The following ANKS1B variants were observed in gnomAD, a reference collection of about 807,000 sequenced individuals.
ANKS1B encodes ankyrin repeat and sterile alpha motif domain containing 1B.
In ANKS1B, 36 loss-of-function variants were observed where a neutral mutation model predicts 148.3. That is an observed-to-expected ratio of 0.24 (90% CI 0.19 to 0.32). The LOEUF is 0.32. Ranked by LOEUF, ANKS1B falls within the 10% of genes least tolerant of loss-of-function variation. The pLI is 1.00. For missense variants in ANKS1B, 1,157 were observed against 1,542.6 expected (o/e 0.75, Z 4.19); for synonymous variants, 542 against 560.8 (o/e 0.97, Z 0.47).
chr12:99,638,185 GA>G lies in ANKS1B; in HGVS notation c.1272+16881del, dbSNP rs538987908. Among the ~76,000 whole-genome samples, 263 of 152,258 alleles carry G rather than the reference GA, an allele frequency of 1.7e-3. 1 individual carries two copies. The highest frequency in any genetic ancestry group is 4.4e-3 in the Admixed American group (68 of 15,282). On this transcript the variant is annotated intron_variant, in intron 9 of 26. Coordinates refer to ENST00000683438, the MANE Select transcript of ANKS1B (RefSeq NM_001352186.2). ...CTGCTATAAAGACACACGAAAATGT[GA>G]AAGCGACTTTGGAACTGGGTAACCG...
intron 11 of ANKS1B, among the ~76,000 whole-genome samples, chr12:99,411,386 T>C (rs2094700780): frequency 6.6e-6 from 1 of 152,230 alleles, no homozygotes; most frequent in South Asian, 2.1e-4. Context: ...CATGATTTCA[T>C]TCTTCTTTAT....
Position 99,939,089 on chromosome 12 carries a change from CT to C in ANKS1B, c.134+45014del, listed in dbSNP as rs200659491. On this transcript the variant is annotated intron_variant, in intron 1 of 26. Transcript: ENST00000683438. The stretch of plus-strand genomic sequence containing the variant: ...TAGGCTTATATATCATCTGAAGGTT[CT>C]TTTTTAAAAAATTTCTTTTGAGACA... 1.6e-3 allele frequency among the ~76,000 whole-genome samples: 245 copies of C among 152,146 alleles called. 8 individuals carry two copies. In the East Asian group the frequency reaches 0.039, roughly 25 times the overall value.
chr12:99,613,617 T>C (rs2097920377), intron 9 of ANKS1B, among the ~76,000 whole-genome samples: 1 of 151,996 alleles, frequency 6.6e-6, no homozygotes, highest in African/African-American at 2.4e-5. Context: ...AAACTAAGTA[T>C]TGTCTGTTCT....
intron 12 of ANKS1B, among the ~76,000 whole-genome samples, chr12:99,338,330 G>C (rs2089324143): frequency 6.6e-6 from 1 of 152,136 alleles, no homozygotes; most frequent in Non-Finnish European, 1.5e-5. Flanking sequence ...GTTGTGTACT[G>C]TGTGGCTATT....
At chr12:99,254,980 T>C (rs1018961868) in intron 12 of ANKS1B, among the ~76,000 whole-genome samples, 1 of 152,194 alleles carries the variant, frequency 6.6e-6, no homozygotes, top group Admixed American at 6.5e-5. Context: ...TTACCTTTTT[T>C]ATTCTGTCTA....
chr12:98,783,273 C>T (rs145817560), intron 22 of ANKS1B, among the ~76,000 whole-genome samples: 38 of 152,320 alleles, frequency 2.5e-4, no homozygotes, highest in African/African-American at 6.5e-4. Flanking sequence ...GGCAGACAGA[C>T]CTCAAACTGT....
At chr12:98,772,545 C>T (rs998197649) in intron 25 of ANKS1B, among the ~76,000 whole-genome samples, 3 of 152,192 alleles carry the variant, frequency 2.0e-5, no homozygotes, top group African/African-American at 7.2e-5. Flanking sequence ...TACATGGCGG[C>T]AGGCAAGAGA....
At chr12:98,887,520 A>G (rs551393656) in intron 17 of ANKS1B, among the ~76,000 whole-genome samples, 3 of 152,360 alleles carry the variant, frequency 2.0e-5, no homozygotes, top group South Asian at 2.1e-4. Context: ...ACCATAAGGG[A>G]AAATAATAAC....
intron 14 of ANKS1B, among the ~76,000 whole-genome samples, chr12:99,223,417 G>C (rs1463633289): frequency 2.0e-5 from 3 of 151,946 alleles, no homozygotes; most frequent in African/African-American, 7.3e-5. Flanking sequence ...TCACTACAAC[G>C]TAGAATCAGT....
At chr12:98,856,763 G>C (rs1392843074) in intron 17 of ANKS1B, among the ~76,000 whole-genome samples, 1 of 151,904 alleles carries the variant, frequency 6.6e-6, no homozygotes, top group Non-Finnish European at 1.5e-5. Flanking sequence ...ACACTAGCTG[G>C]GGACAAAAAA....
At chr12:98,979,595 A>G (rs558787670) in intron 17 of ANKS1B, among the ~76,000 whole-genome samples, 11 of 151,924 alleles carry the variant, frequency 7.2e-5, no homozygotes, top group Non-Finnish European at 1.2e-4. Flanking sequence ...TTCATAGTTT[A>G]TGGCAAGAAA....
chr12:98,797,570 T>C (rs897841237), intron 22 of ANKS1B, among the ~76,000 whole-genome samples: 1 of 152,212 alleles, frequency 6.6e-6, no homozygotes, highest in Admixed American at 6.5e-5. Flanking sequence ...TTTTTTTATC[T>C]AAACTCAGTA....
intron 8 of ANKS1B, among the ~76,000 whole-genome samples, chr12:99,726,477 T>C (rs1419671021): frequency 1.3e-5 from 2 of 152,036 alleles, no homozygotes; most frequent in Non-Finnish European, 2.9e-5. Context: ...AGTTCTGAAA[T>C]TGAGGCAGTA....
chr12:99,901,872 A>G (rs2153771311), intron 1 of ANKS1B, among the ~76,000 whole-genome samples: 1 of 152,356 alleles, frequency 6.6e-6, no homozygotes, highest in African/African-American at 2.4e-5. Flanking sequence ...GACTTGATCC[A>G]TTTATTTAAC....
At chr12:99,375,728 G>C (rs2093363533) in intron 12 of ANKS1B, among the ~76,000 whole-genome samples, 1 of 151,880 alleles carries the variant, frequency 6.6e-6, no homozygotes, top group African/African-American at 2.4e-5. Flanking sequence ...AGGCTTTATA[G>C]CTAACTCTTT....
chr12:99,332,122 C>T (rs761804481), intron 12 of ANKS1B, among the ~76,000 whole-genome samples: 1 of 151,882 alleles, frequency 6.6e-6, no homozygotes, highest in Non-Finnish European at 1.5e-5. Flanking sequence ...TGCTGTATAG[C>T]GTGTTAAAGT....
At chr12:99,806,845 A>T in intron 3 of ANKS1B, 145 bp from the exon 4 acceptor site, 1 of 879,374 alleles carries the variant, frequency 1.1e-6, no homozygotes, top group Non-Finnish European at 1.7e-6. Context: ...GGAATTTTAT[A>T]TTTGATAAAA....
chr12:99,411,231 G>A (rs2094695276), intron 11 of ANKS1B, among the ~76,000 whole-genome samples: 2 of 152,182 alleles, frequency 1.3e-5, no homozygotes, highest in South Asian at 4.1e-4. Context: ...AGTCCCCAGT[G>A]TCTACTGTTC....
Position 99,883,620 on chromosome 12 carries a change from G to C in ANKS1B, c.135-58231C>G, listed in dbSNP as rs545440506. Among the ~76,000 whole-genome samples, 498 of 150,336 alleles carry C rather than the reference G, an allele frequency of 3.3e-3. 6 individuals carry two copies. Among genetic ancestry groups the C allele is most frequent in the South Asian group, 0.029 (138 of 4,708 alleles). On this transcript the variant is annotated intron_variant, in intron 1 of 26. Transcript: ENST00000683438. Reference sequence around the variant, plus strand: ...AGACAAGGCATAGACTTGGGGCAGGGGGGAATCTGCAAATCGGCCGGGCAC... The same window carrying C: ...AGACAAGGCATAGACTTGGGGCAGGCGGGAATCTGCAAATCGGCCGGGCAC...
Sources: gnomAD v4.1 joint callset for allele counts (sites outside exome capture counted in the v4.1 genomes callset) on GRCh38, gnomAD v4.1.1 for gene constraint, MANE v1.5 for transcripts, NCBI Gene and HGNC (gene_info 2026-07-23, HGNC 2026-07-21) for gene names.